GREB1L: variants seen among roughly 807,000 people sequenced by gnomAD.
The protein encoded by GREB1L is GREB1 like retinoic acid receptor coactivator.
A neutral mutation model predicts 200.8 loss-of-function variants in GREB1L; 17 were observed. The observed-to-expected ratio is 0.08, with a 90% CI of 0.06 to 0.13. The LOEUF (loss-of-function observed/expected upper bound fraction) is 0.13, where lower values mean the gene tolerates loss of function less well. Ranked by LOEUF, GREB1L falls within the 10% of genes least tolerant of loss-of-function variation. The pLI is 1.00. For missense variants in GREB1L, 1,657 were observed against 2,367.7 expected, an observed-to-expected ratio of 0.70 and a Z score of 6.23; for synonymous variants, 789 against 893.0, an observed-to-expected ratio of 0.88 and a Z score of 2.08.
chr18:21,456,350 A>G (rs1350337791), intron 15 of GREB1L, among the ~76,000 whole-genome samples: 1 of 152,218 alleles, frequency 6.6e-6, no homozygotes, highest in Non-Finnish European at 1.5e-5. Context: ...TTGTAACACA[A>G]AGGATAAATA....
chr18:21,470,427 C>T (rs1381024623), intron 15 of GREB1L, among the ~76,000 whole-genome samples: 5 of 151,996 alleles, frequency 3.3e-5, no homozygotes, highest in Non-Finnish European at 5.9e-5. Context: ...TCATCATTTT[C>T]TCCATAAAGG....
intron 11 of GREB1L, 86 bp downstream of exon 11, chr18:21,444,495 C>T: frequency 9.6e-7 from 1 of 1,044,230 alleles, no homozygotes; most frequent in Non-Finnish European, 1.4e-6. Context: ...CACATTTATC[C>T]TCCTATCTCT....
At chr18:21,382,500 T>C (rs1039699865) in intron 2 of GREB1L, among the ~76,000 whole-genome samples, 1 of 151,524 alleles carries the variant, frequency 6.6e-6, no homozygotes, top group African/African-American at 2.4e-5. Context: ...AATTTTTTTT[T>C]TTTTTTTTGA....
intron 23 of GREB1L, among the ~76,000 whole-genome samples, chr18:21,504,201 G>C (rs561334997): frequency 6.6e-6 from 1 of 152,346 alleles, no homozygotes; most frequent in South Asian, 2.1e-4. Context: ...TGAGATTACA[G>C]GTGTGAGCCA....
chr18:21,419,727 G>A (rs1476125548), intron 7 of GREB1L, among the ~76,000 whole-genome samples: 2 of 152,246 alleles, frequency 1.3e-5, no homozygotes, highest in African/African-American at 4.8e-5. Flanking sequence ...GGGATTACAG[G>A]CGTGAGCCAC....
intron 1 of GREB1L, among the ~76,000 whole-genome samples, chr18:21,326,926 T>G (rs2039031801): frequency 6.6e-6 from 1 of 152,218 alleles, no homozygotes; most frequent in South Asian, 2.1e-4. Context: ...CTCTTCTTTT[T>G]TTGTTGTTGT....
chr18:21,299,636 A>G (rs1293265817), intron 1 of GREB1L, among the ~76,000 whole-genome samples: 1 of 151,568 alleles, frequency 6.6e-6, no homozygotes, highest in Non-Finnish European at 1.5e-5. Context: ...AGCCATCTGG[A>G]TGTGACCCAC....
chr18:21,426,141 C>G (rs2032553511), intron 7 of GREB1L, among the ~76,000 whole-genome samples: 1 of 151,086 alleles, frequency 6.6e-6, no homozygotes, highest in African/African-American at 2.4e-5. Flanking sequence ...ACTGCAACCT[C>G]TGTGTCCCAG....
intron 11 of GREB1L, among the ~76,000 whole-genome samples, chr18:21,446,455 GAAA>G (rs992154261): frequency 5.3e-5 from 8 of 152,052 alleles, no homozygotes; most frequent in African/African-American, 1.9e-4. Flanking sequence ...GAAAAGAAAA[GAAA>G]AAAAGAAACA....
intron 1 of GREB1L, among the ~76,000 whole-genome samples, chr18:21,337,250 G>A (rs1470552029): frequency 6.6e-6 from 1 of 151,976 alleles, no homozygotes; most frequent in East Asian, 1.9e-4. Flanking sequence ...ATTTTGTGAG[G>A]TTTTATTTCT....
chr18:21,451,963 T>C lies in GREB1L; in HGVS notation c.1850-120T>C. On this transcript the variant is annotated intron_variant, in intron 13 of 32. Coordinates refer to ENST00000424526, the MANE Select transcript of GREB1L (RefSeq NM_001142966.3). ...AGATGGCCAAGTGTAAATGCTGATA[T>C]GAATTGCTGGCTGACCAACAAATCT... The C allele has an allele frequency of 2.3e-5, 19 of 823,484 alleles. 1 individual carries two copies. In the South Asian group the frequency reaches 3.4e-4, roughly 15 times the overall value. 51.0% of individuals were successfully genotyped at this position (823,484 alleles called of 1,614,324 possible).
chr18:21,500,611 G>T lies in GREB1L; in HGVS notation c.4041G>T (p.Val1347=). ...GCATGCTCATCAGGCTCCTGGAGGT[G>T]GACGTGTATGATGAGGAGGAGATCA... ...LFRMLIRLLE[V]DVYDEEEINT... The change falls in exon 23 of 33, where the codon GTG becomes GTT. Residue 1347 remains valine, a synonymous_variant. Coordinates refer to ENST00000424526, the MANE Select transcript of GREB1L (RefSeq NM_001142966.3). 6.5e-7 allele frequency: 1 copy of T among 1,549,092 alleles called. No individual in the cohort carries two copies. Among genetic ancestry groups the T allele is most frequent in the South Asian group, 1.2e-5 (1 of 83,462 alleles).
In GREB1L at chr18:21,494,644, C is replaced by T. The variant is rs1272307223; in HGVS notation, c.3031-1026C>T. Among the ~76,000 whole-genome samples, 4 of 152,080 alleles carry T rather than the reference C, an allele frequency of 2.6e-5. No homozygotes were observed. The East Asian group carries it at 7.7e-4, about 29-fold the overall frequency. The stretch of plus-strand genomic sequence containing the variant: ...AAAAAAAAAAAAATTGTATGTATTA[C>T]TTAACACCTTGCTTCTTAGTCTGTT... On this transcript the variant is annotated intron_variant, in intron 19 of 32. Transcript: ENST00000424526.
intron 7 of GREB1L, among the ~76,000 whole-genome samples, chr18:21,412,581 G>A (rs2031179742): frequency 6.6e-6 from 1 of 152,138 alleles, no homozygotes; most frequent in Non-Finnish European, 1.5e-5. Context: ...TTACATTAAA[G>A]AAAGGGCAAA....
chr18:21,505,708 G>A, intron 24 of GREB1L, 102 bp from the exon 25 acceptor site: 1 of 1,409,572 alleles, frequency 7.1e-7, no homozygotes, highest in Non-Finnish European at 9.6e-7. Context: ...ATAAATTACA[G>A]AATACATGGA....
At chr18:21,339,419 T>A (rs1467348494) in intron 1 of GREB1L, among the ~76,000 whole-genome samples, 1 of 152,168 alleles carries the variant, frequency 6.6e-6, no homozygotes, top group Non-Finnish European at 1.5e-5. Context: ...ATTAGTTATT[T>A]CTCCCTTGAA....
chr18:21,500,037 C>T lies in GREB1L; in HGVS notation c.3700C>T (p.Leu1234=), dbSNP rs777832983. 6.4e-7 allele frequency: 1 copy of T among 1,551,578 alleles called. No homozygotes were observed. The change falls in exon 22 of 33, where the codon CTA becomes TTA. Residue 1234 remains leucine (L), a synonymous_variant. Transcript: ENST00000424526. Reference sequence around the variant, plus strand: ...GGCAGCCCTGCCACCAGTGGTGATCCTATCCAAAGCGGCCTACAGTCTCCT... The same window carrying T: ...GGCAGCCCTGCCACCAGTGGTGATCTTATCCAAAGCGGCCTACAGTCTCCT... ...PQAALPPVVI[L]SKAAYSLLGS...
chr18:21,311,542 T>G (rs2038790183), intron 1 of GREB1L, among the ~76,000 whole-genome samples: 1 of 152,134 alleles, frequency 6.6e-6, no homozygotes, highest in African/African-American at 2.4e-5. Context: ...AATTTTGCCC[T>G]AAGCGGCACC....
chr18:21,420,871 C>T (rs1468636716), intron 7 of GREB1L, among the ~76,000 whole-genome samples: 1 of 152,106 alleles, frequency 6.6e-6, no homozygotes, highest in Non-Finnish European at 1.5e-5. Context: ...TAACCCCAAA[C>T]TGGAAACAAC....
Sources: gnomAD v4.1 joint callset for allele counts (sites outside exome capture counted in the v4.1 genomes callset) on GRCh38, gnomAD v4.1.1 for gene constraint, MANE v1.5 for transcripts, NCBI Gene and HGNC (gene_info 2026-07-23, HGNC 2026-07-21) for gene names.